Variants in TFCP2L1 observed in about 807,000 individuals in gnomAD.
The protein encoded by TFCP2L1 is transcription factor CP2 like 1.
TFCP2L1 carries 12 observed loss-of-function variants against 72.2 expected under a neutral mutation model. That is an observed-to-expected ratio of 0.17 (90% CI 0.11 to 0.27). TFCP2L1 has a LOEUF of 0.27. Among genes scored for constraint, TFCP2L1 ranks in the 10% least tolerant of loss-of-function variants. The pLI, the probability that TFCP2L1 is intolerant of heterozygous loss-of-function variation, is 1.00. For synonymous variants in TFCP2L1, 260 were observed against 251.0 expected, an observed-to-expected ratio of 1.04 and a Z score of -0.34; for missense variants, 488 against 624.6, an observed-to-expected ratio of 0.78 and a Z score of 2.33.
At chr2:121,242,270 G>A (rs2104690526) in intron 7 of TFCP2L1, 89 bp downstream of exon 7, 1 of 1,154,336 alleles carries the variant, frequency 8.7e-7, no homozygotes, top group South Asian at 1.2e-5. Flanking sequence ...AGTCACCCGA[G>A]ATGGGCGATT....
chr2:121,231,279 T>C (rs778099800), intron 13 of TFCP2L1, among the ~76,000 whole-genome samples: 5 of 152,222 alleles, frequency 3.3e-5, no homozygotes, highest in Non-Finnish European at 5.9e-5. Context: ...TTGGCAGGCA[T>C]ATTCAACACC....
chr2:121,255,835 C>T (rs1363448156), intron 2 of TFCP2L1, among the ~76,000 whole-genome samples: 3 of 152,232 alleles, frequency 2.0e-5, no homozygotes, highest in Middle Eastern at 3.4e-3. Context: ...CTCTGCCTCC[C>T]GGGTTCACGC....
chr2:121,247,165 CAT>C (rs1024354703), intron 5 of TFCP2L1, among the ~76,000 whole-genome samples, 195 bp from the exon 6 acceptor site: 2 of 152,146 alleles, frequency 1.3e-5, no homozygotes, highest in East Asian at 3.9e-4. Context: ...CTGCAAAAGA[CAT>C]ACACACCCCC....
At chr2:121,269,196 T>C (rs547191600) in intron 2 of TFCP2L1, among the ~76,000 whole-genome samples, 9 of 152,004 alleles carry the variant, frequency 5.9e-5, no homozygotes, top group Non-Finnish European at 1.2e-4. Context: ...CCTGTAATCC[T>C]AGCACTTTGG....
intron 10 of TFCP2L1, 82 bp downstream of exon 10, chr2:121,237,541 G>T: frequency 6.7e-7 from 1 of 1,488,324 alleles, no homozygotes; most frequent in Non-Finnish European, 9.3e-7. Flanking sequence ...TGCCAGTGTT[G>T]ACAGCAAGGC....
chr2:121,239,516 C>A (rs532039274), intron 8 of TFCP2L1, 42 bp downstream of exon 8: 1 of 1,602,292 alleles, frequency 6.2e-7, no homozygotes, highest in African/African-American at 1.3e-5. Context: ...AGTACACCTG[C>A]CTTCATTTCA....
intron 12 of TFCP2L1, 59 bp from the exon 13 acceptor site, chr2:121,232,027 C>G (rs1037114530): frequency 2.9e-5 from 44 of 1,517,594 alleles, no homozygotes; most frequent in Non-Finnish European, 3.6e-5. Flanking sequence ...GTGTGAGCCT[C>G]CCACCCGCCC....
chr2:121,231,522 C>T (rs1686143060), intron 13 of TFCP2L1, among the ~76,000 whole-genome samples: 1 of 152,244 alleles, frequency 6.6e-6, no homozygotes, highest in African/African-American at 2.4e-5. Context: ...GGGAACGCCC[C>T]TCTCCTGACC....
At chr2:121,279,070 G>A (rs1687204896) in intron 2 of TFCP2L1, among the ~76,000 whole-genome samples, 1 of 152,092 alleles carries the variant, frequency 6.6e-6, no homozygotes, top group African/African-American at 2.4e-5. Context: ...TTACCAACAG[G>A]AGCAGGGGCC....
chr2:121,253,567 G>C (rs905318564), intron 2 of TFCP2L1, among the ~76,000 whole-genome samples: 15 of 152,190 alleles, frequency 9.9e-5, no homozygotes, highest in Non-Finnish European at 1.5e-4. Context: ...GTCATTAAGT[G>C]AGTTTACGGG....
Position 121,234,074 on chromosome 2 carries a change from TG to T in TFCP2L1, c.1198+16del. On this transcript the variant is annotated intron_variant, in intron 12 of 14. Transcript: ENST00000263707. ...GGACCCAATGTGTGGGTCCCAGCTC[TG>T]CTCCCCACAACTCACCAGACAGGTT... 1 of 1,611,432 alleles carries T rather than the reference TG, an allele frequency of 6.2e-7. No individual in the cohort carries two copies. The highest frequency in any genetic ancestry group is 1.3e-5 in the African/African-American group (1 of 75,010).
intron 13 of TFCP2L1, among the ~76,000 whole-genome samples, chr2:121,230,655 T>C (rs4484042): frequency 0.43 from 64,863 of 151,704 alleles, 15,182 homozygotes; most frequent in Non-Finnish European, 0.53. Flanking sequence ...TGCCTGTAGT[T>C]CCAGCTACTT....
chr2:121,242,267 C>T (rs886830239), intron 7 of TFCP2L1, 92 bp downstream of exon 7: 16 of 1,124,996 alleles, frequency 1.4e-5, no homozygotes, highest in Admixed American at 8.6e-5. Context: ...AGTAGTCACC[C>T]GAGATGGGCG....
intron 6 of TFCP2L1, among the ~76,000 whole-genome samples, chr2:121,243,501 T>C (rs182569513): frequency 6.6e-6 from 1 of 152,266 alleles, no homozygotes; most frequent in East Asian, 1.9e-4. Flanking sequence ...AGCAGGTGAG[T>C]GAGCGAAGCT....
chr2:121,270,239 T>C (rs1208302735), intron 2 of TFCP2L1, among the ~76,000 whole-genome samples: 1 of 152,138 alleles, frequency 6.6e-6, no homozygotes, highest in African/African-American at 2.4e-5. Context: ...TTTAAAGAAG[T>C]GATGTATGCT....
At chr2:121,247,095 C>T in intron 5 of TFCP2L1, 125 bp from the exon 6 acceptor site, 1 of 1,106,482 alleles carries the variant, frequency 9.0e-7, no homozygotes. Context: ...GCCTCGACCT[C>T]CCTGCTTTCC....
intron 2 of TFCP2L1, among the ~76,000 whole-genome samples, chr2:121,258,975 C>T (rs745783543): frequency 4.6e-5 from 7 of 152,020 alleles, no homozygotes; most frequent in Non-Finnish European, 8.8e-5. Context: ...TGCTCGGGCG[C>T]GGTGGCTCAC....
intron 14 of TFCP2L1, 71 bp downstream of exon 14, chr2:121,225,491 C>A (rs747718181): frequency 4.7e-5 from 67 of 1,436,328 alleles, no homozygotes; most frequent in Admixed American, 2.9e-4. Context: ...TCTGGAAGGG[C>A]CCATCCTGCA....
At chr2:121,271,272 A>G (rs937860719) in intron 2 of TFCP2L1, among the ~76,000 whole-genome samples, 1 of 152,138 alleles carries the variant, frequency 6.6e-6, no homozygotes, top group African/African-American at 2.4e-5. Flanking sequence ...CTTAAAAAGC[A>G]AAAGGTACAC....
Sources: gnomAD v4.1 joint callset for allele counts (sites outside exome capture counted in the v4.1 genomes callset) on GRCh38, gnomAD v4.1.1 for gene constraint, MANE v1.5 for transcripts, NCBI Gene and HGNC (gene_info 2026-07-23, HGNC 2026-07-21) for gene names.